Variants in KCNMA1 observed in about 807,000 individuals in gnomAD.
KCNMA1 encodes Calcium-activated potassium channel subunit alpha-1.
Under a neutral mutation model 140.0 loss-of-function variants are expected in KCNMA1, and 29 were observed. That is an observed-to-expected ratio of 0.21 (90% CI 0.15 to 0.28). The LOEUF (loss-of-function observed/expected upper bound fraction) is 0.28, where lower values mean the gene tolerates loss of function less well. Among genes scored for constraint, KCNMA1 ranks in the 10% least tolerant of loss-of-function variants. The probability of loss-of-function intolerance (pLI) is 1.00; values close to 1 mark genes in which losing one functional copy is unlikely to be tolerated. For synonymous variants in KCNMA1, 612 were observed against 611.9 expected, an observed-to-expected ratio of 1.00 and a Z score of 0.00; for missense variants, 880 against 1,602.2, an observed-to-expected ratio of 0.55 and a Z score of 7.70.
rs2154127749 is a variant in KCNMA1 at position 77,184,844 on chromosome 10, G to A, written c.675C>T (p.Phe225=). ...TTACCCGCAAGCCGAAGTAGAGAAG[G>A]AAGAACACGTTGAAAGCCATGTCGA... ...LQIDMAFNVF[F]LLYFGLRFIA... is the part of the protein sequence containing the mutation. Residue 225 remains phenylalanine (F), a synonymous_variant, in exon 4 of 28, where the codon TTC becomes TTT. Coordinates refer to ENST00000286628, the MANE Select transcript of KCNMA1 (RefSeq NM_001161352.2). 1.9e-6 allele frequency: 3 copies of A among 1,610,848 alleles called. No individual in the cohort carries two copies. The South Asian group carries it at 3.3e-5, about 18-fold the overall frequency.
At chr10:77,624,358 C>T (rs1354694073) in intron 1 of KCNMA1, among the ~76,000 whole-genome samples, 1 of 152,154 alleles carries the variant, frequency 6.6e-6, no homozygotes, top group Non-Finnish European at 1.5e-5. Flanking sequence ...AGTGGTGTGG[C>T]TATATCATTA....
At chr10:77,170,378 T>TA (rs2098690861) in intron 5 of KCNMA1, among the ~76,000 whole-genome samples, 1 of 152,018 alleles carries the variant, frequency 6.6e-6, no homozygotes, top group South Asian at 2.1e-4. Flanking sequence ...GGCTGGACCC[T>TA]AAGAGAGCCC....
chr10:77,140,859 T>A (rs895658158), intron 5 of KCNMA1: 1 of 152,160 alleles, frequency 6.6e-6, no homozygotes. Flanking sequence ...GTAAGCTCCT[T>A]TGGACATGGT....
At chr10:77,151,143 CTTTCTTTCTTT>C (rs1277670950) in intron 5 of KCNMA1, among the ~76,000 whole-genome samples, 1 of 148,136 alleles carries the variant, frequency 6.8e-6, no homozygotes, top group Admixed American at 6.7e-5. Context: ...TTTCTTTCTT[CTTTCTTTCTTT>C]CTTTTCTTTT....
rs2093912397 is a variant in KCNMA1, at chr10:77,637,711, C to A, written c.-69G>T. The A allele has an allele frequency of 1.4e-6, 2 of 1,415,896 alleles. No homozygotes were observed. The highest frequency in any genetic ancestry group is 3.0e-5 in the African/African-American group (2 of 66,200). 87.7% of individuals were successfully genotyped at this position (1,415,896 alleles called of 1,614,324 possible). On this transcript the variant is annotated 5_prime_UTR_variant, in exon 1 of 28. Transcript: ENST00000286628. Reference sequence around the variant, plus strand: ...CCCGCCGCCAGCGCCACCCCAAACACCCATCAACAGCCATATTGCTGCTAC... The same window carrying A: ...CCCGCCGCCAGCGCCACCCCAAACAACCATCAACAGCCATATTGCTGCTAC...
At chr10:76,889,949 G>C (rs771980515) in intron 26 of KCNMA1, among the ~76,000 whole-genome samples, 47 of 152,184 alleles carry the variant, frequency 3.1e-4, no homozygotes, top group Non-Finnish European at 5.0e-4. Context: ...ATTATGTTCA[G>C]TCCCAGCTCA....
At chr10:77,156,585 C>T (rs767234504) in intron 5 of KCNMA1, among the ~76,000 whole-genome samples, 6 of 152,270 alleles carry the variant, frequency 3.9e-5, no homozygotes, top group East Asian at 3.9e-4. Flanking sequence ...GTAAAACTAA[C>T]GAAAGGCCAT....
chr10:77,614,540 T>C (rs2088543196), intron 1 of KCNMA1, among the ~76,000 whole-genome samples: 1 of 152,194 alleles, frequency 6.6e-6, no homozygotes, highest in South Asian at 2.1e-4. Context: ...TTCTGCTAAA[T>C]GCCATTATTC....
chr10:77,363,562 C>T (rs1276796808), intron 2 of KCNMA1, among the ~76,000 whole-genome samples: 5 of 152,230 alleles, frequency 3.3e-5, no homozygotes, highest in Non-Finnish European at 7.3e-5. Flanking sequence ...TTGCTTAAAA[C>T]ACTTCCATGG....
chr10:77,328,375 C>T (rs1200555395), intron 2 of KCNMA1, among the ~76,000 whole-genome samples: 6 of 152,206 alleles, frequency 3.9e-5, no homozygotes, highest in Non-Finnish European at 5.9e-5. Flanking sequence ...CAAGTCCCAA[C>T]GAGGCCACAG....
intron 2 of KCNMA1, among the ~76,000 whole-genome samples, chr10:77,309,969 C>T (rs1168670463): frequency 2.6e-5 from 4 of 152,150 alleles, no homozygotes; most frequent in African/African-American, 9.7e-5. Flanking sequence ...CTCTTCCAGC[C>T]TGGATAAAGC....
chr10:77,202,095 G>A (rs2042671673), intron 3 of KCNMA1, among the ~76,000 whole-genome samples: 1 of 152,148 alleles, frequency 6.6e-6, no homozygotes. Context: ...TCAGGCTAGT[G>A]GTCTATTTCT....
chr10:77,222,752 T>C (rs2050089211), intron 3 of KCNMA1, among the ~76,000 whole-genome samples: 1 of 152,230 alleles, frequency 6.6e-6, no homozygotes, highest in African/African-American at 2.4e-5. Flanking sequence ...CTATTTCTCA[T>C]GGCAAGGTTG....
intron 2 of KCNMA1, among the ~76,000 whole-genome samples, chr10:77,267,708 T>C (rs761358175): frequency 6.6e-6 from 1 of 152,216 alleles, no homozygotes; most frequent in South Asian, 2.1e-4. Context: ...TTAAGTTGCC[T>C]GCATCACTGT....
intron 1 of KCNMA1, among the ~76,000 whole-genome samples, chr10:77,583,399 C>G (rs969499106): frequency 6.6e-6 from 1 of 152,208 alleles, no homozygotes; most frequent in Non-Finnish European, 1.5e-5. Flanking sequence ...TTGAATATTT[C>G]TCACATAGGG....
At chr10:77,594,916 C>T (rs1052423775) in intron 1 of KCNMA1, among the ~76,000 whole-genome samples, 1 of 152,206 alleles carries the variant, frequency 6.6e-6, no homozygotes, top group South Asian at 2.1e-4. Flanking sequence ...CAGACACACC[C>T]TTTGATTGTG....
rs1568036429 is a variant in KCNMA1 at position 77,637,604 on chromosome 10, G to A, written c.39C>T (p.Gly13=). Residue 13 remains glycine, a synonymous_variant, in exon 1 of 28, where the codon GGC becomes GGT. Coordinates refer to ENST00000286628, the MANE Select transcript of KCNMA1 (RefSeq NM_001161352.2). Reference sequence around the variant, plus strand: ...TGCTGCCTCCGCCGCCGCCGCCGCCGCCGCTGCTGCCGCCGCCGCCGCCGC... The same window carrying A: ...TGCTGCCTCCGCCGCCGCCGCCGCCACCGCTGCTGCCGCCGCCGCCGCCGC... ...NGGGGGGGSS[G]GGGGGGGSSL... is the part of the protein sequence containing the mutation. The A allele has an allele frequency of 4.6e-6, 7 of 1,524,606 alleles. No individual in the cohort carries two copies. The African/African-American group carries it at 9.7e-5, about 21-fold the overall frequency. 94.4% of individuals were successfully genotyped at this position (1,524,606 alleles called of 1,614,324 possible).
intron 1 of KCNMA1, among the ~76,000 whole-genome samples, chr10:77,496,595 T>TTA (rs1296502042): frequency 9.1e-4 from 19 of 20,932 alleles, no homozygotes; most frequent in Non-Finnish European, 1.5e-3. Flanking sequence ...AGACACTGTC[T>TTA]CAAAAAAAAA....
At chr10:76,991,599 A>G (rs1435778949) in intron 19 of KCNMA1, among the ~76,000 whole-genome samples, 1 of 152,160 alleles carries the variant, frequency 6.6e-6, no homozygotes, top group Non-Finnish European at 1.5e-5. Context: ...CACATCACCA[A>G]TTCCTTTAAG....
Sources: gnomAD v4.1 joint callset for allele counts (sites outside exome capture counted in the v4.1 genomes callset) on GRCh38, gnomAD v4.1.1 for gene constraint, MANE v1.5 for transcripts, NCBI Gene and HGNC (gene_info 2026-07-23, HGNC 2026-07-21) for gene names.